The following TMTC2 variants were observed in gnomAD, a reference collection of about 807,000 sequenced individuals.
The protein encoded by TMTC2 is transmembrane O-mannosyltransferase targeting cadherins 2.
In TMTC2, 43 loss-of-function variants were observed where a neutral mutation model predicts 82.4. That is an observed-to-expected ratio of 0.52 (90% CI 0.41 to 0.67). The LOEUF is 0.67. TMTC2 is among the 30% of genes least tolerant of loss of function. The probability of loss-of-function intolerance (pLI) is 0.00; values close to 1 mark genes in which losing one functional copy is unlikely to be tolerated. For synonymous variants in TMTC2, 408 were observed against 381.9 expected (o/e 1.07, Z -0.80); for missense variants, 919 against 1,012.4 (o/e 0.91, Z 1.25).
chr12:82,987,404 A>G (rs1350528138), intron 8 of TMTC2, among the ~76,000 whole-genome samples: 1 of 34,238 alleles, frequency 2.9e-5, no homozygotes, highest in African/African-American at 1.2e-4. Context: ...AGCCTGGGCA[A>G]CAGAGACTCC....
At chr12:82,879,387 C>T (rs962631411) in intron 2 of TMTC2, among the ~76,000 whole-genome samples, 2 of 152,180 alleles carry the variant, frequency 1.3e-5, no homozygotes, top group Admixed American at 6.5e-5. Flanking sequence ...GCATTAGATT[C>T]GCATAAGGAG....
intron 1 of TMTC2, among the ~76,000 whole-genome samples, chr12:82,728,375 T>C (rs1160451131): frequency 2.0e-5 from 3 of 152,178 alleles, no homozygotes; most frequent in Non-Finnish European, 2.9e-5. Flanking sequence ...TTTTGTTTAA[T>C]TGATCTTTCT....
intron 2 of TMTC2, among the ~76,000 whole-genome samples, chr12:82,892,306 T>C (rs970157877): frequency 6.6e-6 from 1 of 152,222 alleles, no homozygotes; most frequent in African/African-American, 2.4e-5. Flanking sequence ...TCATTTTCAT[T>C]TTCTCAGTAC....
intron 7 of TMTC2, among the ~76,000 whole-genome samples, chr12:82,979,771 G>A (rs1018090199): frequency 6.6e-6 from 1 of 151,700 alleles, no homozygotes; most frequent in Non-Finnish European, 1.5e-5. Flanking sequence ...AGCATTTCTT[G>A]TAGGACAAGT....
At position 83,133,837 on chromosome 12, in the gene TMTC2, C is replaced by G. The variant is rs1247436048; in HGVS notation, c.*1448C>G. ...ACATATTTATTTATTTATTATTCTA[C>G]TATAGCAGAATAACAAAACTTGATG... On this transcript the variant is annotated 3_prime_UTR_variant, in exon 12 of 12. Coordinates refer to ENST00000321196, the MANE Select transcript of TMTC2 (RefSeq NM_152588.3). The G allele has an allele frequency of 6.6e-6, 1 of 152,138 alleles. No individual in the cohort carries two copies. The highest frequency in any genetic ancestry group is 2.4e-5 in the African/African-American group (1 of 41,438). The allele number at this position is 152,138 out of a possible 1,614,324, so 9.4% of individuals were successfully genotyped here. A position where few individuals can be genotyped will look rare whatever the true frequency, so the allele number is the denominator to read the frequency against.
At chr12:82,770,312 CTATTGTT>C (rs1273799609) in intron 1 of TMTC2, among the ~76,000 whole-genome samples, 1 of 152,056 alleles carries the variant, frequency 6.6e-6, no homozygotes, top group Admixed American at 6.6e-5. Context: ...CATTCTGAGT[CTATTGTT>C]TATAAGAGTA....
chr12:83,022,831 A>G (rs575125766), intron 8 of TMTC2, among the ~76,000 whole-genome samples: 3 of 152,330 alleles, frequency 2.0e-5, no homozygotes, highest in East Asian at 1.9e-4. Context: ...TATAATTTAC[A>G]GCCTGCTTAT....
At chr12:82,845,226 C>CAA (rs66859423) in intron 1 of TMTC2, among the ~76,000 whole-genome samples, 471 of 45,564 alleles carry the variant, frequency 0.01, 73 homozygotes, top group Non-Finnish European at 0.013. Flanking sequence ...GTGACTGTCT[C>CAA]AAAAAAAAAA....
chr12:82,933,946 C>G (rs146811478), intron 4 of TMTC2, among the ~76,000 whole-genome samples: 139 of 152,158 alleles, frequency 9.1e-4, no homozygotes, highest in African/African-American at 3.2e-3. Context: ...CAAATTATAT[C>G]CAAGAGGTAT....
chr12:83,023,104 A>G (rs758420023), intron 8 of TMTC2, among the ~76,000 whole-genome samples: 14 of 152,308 alleles, frequency 9.2e-5, no homozygotes, highest in African/African-American at 1.7e-4. Context: ...ATATGTGTCA[A>G]ATTTCCCCCA....
intron 11 of TMTC2, among the ~76,000 whole-genome samples, chr12:83,069,288 G>C (rs975039320): frequency 6.6e-6 from 1 of 152,136 alleles, no homozygotes; most frequent in African/African-American, 2.4e-5. Flanking sequence ...TTCCATAGTA[G>C]TTGTACTAGT....
At chr12:82,817,626 A>G (rs1004666056) in intron 1 of TMTC2, among the ~76,000 whole-genome samples, 1 of 152,160 alleles carries the variant, frequency 6.6e-6, no homozygotes, top group African/African-American at 2.4e-5. Flanking sequence ...GTTATTCATT[A>G]GGTCATTTGT....
intron 1 of TMTC2, among the ~76,000 whole-genome samples, chr12:82,835,189 A>G (rs1349394977): frequency 1.3e-5 from 2 of 152,192 alleles, no homozygotes; most frequent in African/African-American, 4.8e-5. Flanking sequence ...ACTCGTAGCT[A>G]TTATCACTAT....
intron 1 of TMTC2, among the ~76,000 whole-genome samples, chr12:82,741,819 GGTA>G (rs1333759763): frequency 6.6e-6 from 1 of 152,144 alleles, no homozygotes; most frequent in Non-Finnish European, 1.5e-5. Context: ...TGGGACACTG[GGTA>G]GTGGGGAAGA....
chr12:82,735,759 G>C (rs893688909), intron 1 of TMTC2, among the ~76,000 whole-genome samples: 3 of 151,996 alleles, frequency 2.0e-5, no homozygotes, highest in Middle Eastern at 3.4e-3. Flanking sequence ...GAGGTCAGGA[G>C]TTCAAGACCA....
At chr12:82,981,281 T>A (rs1435911950) in intron 7 of TMTC2, among the ~76,000 whole-genome samples, 2 of 151,910 alleles carry the variant, frequency 1.3e-5, no homozygotes, top group Non-Finnish European at 2.9e-5. Flanking sequence ...AAGCAGGAGC[T>A]GTCCAGTAAT....
chr12:82,814,351 A>G (rs1459960755), intron 1 of TMTC2, among the ~76,000 whole-genome samples: 2 of 152,190 alleles, frequency 1.3e-5, no homozygotes, highest in African/African-American at 4.8e-5. Context: ...TGAGATGGAA[A>G]AGAACAAAGC....
At chr12:83,037,479 A>G (rs887776397) in intron 9 of TMTC2, among the ~76,000 whole-genome samples, 1 of 152,226 alleles carries the variant, frequency 6.6e-6, no homozygotes, top group African/African-American at 2.4e-5. Context: ...GATTACAATT[A>G]CGTTTAATAC....
intron 10 of TMTC2, among the ~76,000 whole-genome samples, chr12:83,055,705 GGTGT>G (rs58129444): frequency 0.035 from 5,131 of 147,744 alleles, 246 homozygotes; most frequent in African/African-American, 0.11. Flanking sequence ...TAGTGGAAGG[GGTGT>G]GTGTGTGTGT....
Sources: gnomAD v4.1 joint callset for allele counts (sites outside exome capture counted in the v4.1 genomes callset) on GRCh38, gnomAD v4.1.1 for gene constraint, MANE v1.5 for transcripts, NCBI Gene and HGNC (gene_info 2026-07-23, HGNC 2026-07-21) for gene names.